Variants in DYNC2H1 observed in about 807,000 individuals in gnomAD.
DYNC2H1 encodes the protein dynein cytoplasmic 2 heavy chain 1.
A neutral mutation model predicts 570.0 loss-of-function variants in DYNC2H1; 410 were observed. That is an observed-to-expected ratio of 0.72 (90% confidence interval 0.66 to 0.78). DYNC2H1 has a LOEUF of 0.78. DYNC2H1 is among the 30% of genes least tolerant of loss of function. DYNC2H1 has a pLI of 0.00. For synonymous variants in DYNC2H1, 1,688 were observed against 1,677.6 expected (o/e 1.01, Z -0.15); for missense variants, 4,865 against 5,046.4 (o/e 0.96, Z 1.09).
rs1316203893 is a variant in DYNC2H1, at chr11:103,129,261, T to C, written c.1953+256T>C. Among the ~76,000 whole-genome samples the C allele has an allele frequency of 1.3e-5, 2 of 152,240 alleles. No individual in the cohort carries two copies. Among genetic ancestry groups the C allele is most frequent in the Non-Finnish European group, 2.9e-5 (2 of 68,040 alleles). On this transcript the variant is annotated intron_variant, in intron 13 of 88. Transcript: ENST00000375735. This position sits in a 1 kb window ranked among gnomAD's most constrained non-coding sequence, Gnocchi z 4.1. ...ATAGAAAATGATTTGTATGATGTTATGTTCATTTATCCTCTGAAGTTTGAG... is the reference window on the plus strand; with the variant it reads ...ATAGAAAATGATTTGTATGATGTTACGTTCATTTATCCTCTGAAGTTTGAG...
chr11:103,126,660 G>A (rs141297129), intron 12 of DYNC2H1, among the ~76,000 whole-genome samples: 13,142 of 148,692 alleles, frequency 0.088, 761 homozygotes, highest in Non-Finnish European at 0.12. Context: ...TTTTTGAGAC[G>A]GAGTCTCGCT....
chr11:103,361,135 T>C (rs1361856505), intron 83 of DYNC2H1, among the ~76,000 whole-genome samples: 1 of 152,192 alleles, frequency 6.6e-6, no homozygotes, highest in Non-Finnish European at 1.5e-5. Flanking sequence ...ATGATCTGAA[T>C]GTTTGTTTCC....
Position 103,154,502 on chromosome 11 carries a change from TAGTATCTCTAA to T in DYNC2H1, c.3357_3367del (p.Ser1119ArgfsTer13). The T allele has an allele frequency of 6.4e-7, 1 of 1,568,142 alleles. No individual in the cohort carries two copies. The highest frequency in any genetic ancestry group is 8.6e-7 in the Non-Finnish European group (1 of 1,157,620). ...AAGAGCCTAATTTCTCCCTGGCAAG[TAGTATCTCTAA>T]AGATATCGAGAGCTGTGCCCAAATT... On this transcript the variant is annotated frameshift_variant, in exon 23 of 89. Transcript: ENST00000375735. LOFTEE classifies it high-confidence loss of function.
intron 83 of DYNC2H1, among the ~76,000 whole-genome samples, chr11:103,377,897 C>G (rs896008371): frequency 6.6e-6 from 1 of 151,478 alleles, no homozygotes; most frequent in Non-Finnish European, 1.5e-5. Context: ...CCATCACACC[C>G]GGCTAATTTT....
chr11:103,455,062 T>C (rs1944738293), intron 85 of DYNC2H1, 124 bp from the exon 86 acceptor site: 1 of 618,004 alleles, frequency 1.6e-6, no homozygotes, highest in Non-Finnish European at 2.8e-6. Flanking sequence ...GTTATATATA[T>C]ATTTTCTAGC....
intron 20 of DYNC2H1, among the ~76,000 whole-genome samples, chr11:103,149,123 G>C (rs1410162510): frequency 6.6e-6 from 1 of 152,138 alleles, no homozygotes; most frequent in Non-Finnish European, 1.5e-5. Flanking sequence ...TAATGAAACA[G>C]TAATAGTATT....
At chr11:103,124,960 A>G (rs958010931) in intron 11 of DYNC2H1, 140 bp from the exon 12 acceptor site, 1 of 585,740 alleles carries the variant, frequency 1.7e-6, no homozygotes, top group Non-Finnish European at 2.8e-6. Context: ...AAAACCCACA[A>G]CTTAAAAGCT....
intron 62 of DYNC2H1, 124 bp from the exon 63 acceptor site, chr11:103,236,306 G>A: frequency 3.1e-6 from 2 of 634,978 alleles, no homozygotes; most frequent in South Asian, 3.9e-5. Flanking sequence ...TGTTAAATGT[G>A]GAAGAATGGG....
rs1035301432 is a variant in DYNC2H1 at position 103,203,928 on chromosome 11, A to G, written c.8311+152A>G. 6.6e-6 allele frequency among the ~76,000 whole-genome samples: 1 copy of G among 152,118 alleles called. No individual in the cohort carries two copies. The highest frequency in any genetic ancestry group is 6.6e-5 in the Admixed American group (1 of 15,254). ...GTAACACCTAACTAGTGGATAGGCTAACCTATAATAAAAACACCTGTATTA... is the reference window on the plus strand; with the variant it reads ...GTAACACCTAACTAGTGGATAGGCTGACCTATAATAAAAACACCTGTATTA... On this transcript the variant is annotated intron_variant, in intron 51 of 88. Coordinates refer to ENST00000375735, the MANE Select transcript of DYNC2H1 (RefSeq NM_001377.3). The surrounding 1 kb of genome is among the most constrained non-coding windows in gnomAD (Gnocchi z 4.7).
intron 84 of DYNC2H1, among the ~76,000 whole-genome samples, chr11:103,426,347 G>A (rs1447019798): frequency 1.3e-5 from 2 of 152,144 alleles, no homozygotes; most frequent in African/African-American, 4.8e-5. Flanking sequence ...CTGTGTGTGT[G>A]TCTTTAATTC....
chr11:103,125,325 C>A, intron 12 of DYNC2H1, 30 bp downstream of exon 12: 1 of 1,460,146 alleles, frequency 6.8e-7, no homozygotes, highest in African/African-American at 1.4e-5. Context: ...GAATACCTGC[C>A]TATTTGGAGT....
At chr11:103,232,595 G>A (rs1864060673) in intron 60 of DYNC2H1, among the ~76,000 whole-genome samples, 1 of 151,832 alleles carries the variant, frequency 6.6e-6, no homozygotes, top group African/African-American at 2.4e-5. Flanking sequence ...ATTGACTCTA[G>A]GCCATGAGTA....
At chr11:103,345,390 G>A (rs941196961) in intron 82 of DYNC2H1, among the ~76,000 whole-genome samples, 8 of 152,068 alleles carry the variant, frequency 5.3e-5, no homozygotes, top group African/African-American at 1.9e-4. Context: ...GAATAGAATT[G>A]TTATGTCAAA....
At position 103,179,177 on chromosome 11, in the gene DYNC2H1, T is replaced by C; in HGVS notation, c.6291T>C (p.His2097=). 1.2e-6 allele frequency: 2 copies of C among 1,613,124 alleles called. No homozygotes were observed. The highest frequency in any genetic ancestry group is 8.5e-7 in the Non-Finnish European group (1 of 1,179,296). ...ATGTTAACTTTGTATTTGAAACTCA[T>C]GATTTAAGTTGTGCATCACCAGCCA... ...GPNVNFVFET[H]DLSCASPATI... is the part of the protein sequence containing the mutation. The change falls in exon 39 of 89, where the codon CAT becomes CAC. Residue 2097 remains histidine, a synonymous_variant. Transcript: ENST00000375735.
In DYNC2H1 at chr11:103,154,542, G is replaced by A. The variant is rs767462931; in HGVS notation, c.3394G>A (p.Ala1132Thr). 6 of 1,593,982 alleles carry A rather than the reference G, an allele frequency of 3.8e-6. No homozygotes were observed. The highest frequency in any genetic ancestry group is 5.1e-6 in the Non-Finnish European group (6 of 1,170,432). ...TATCGAGAGCTGTGCCCAAATTTGG[G>A]CCTTTTATGAAGAGTTTCAACAAGG... is the stretch of plus-strand genomic sequence containing the variant. Reference protein sequence around the residue: ...KDIESCAQIWAFYEEFQQGFQ... With the variant: ...KDIESCAQIWTFYEEFQQGFQ... Residue 1132 changes from alanine (A) to threonine (T), a missense_variant, in exon 23 of 89, where the codon GCC (alanine) becomes ACC (threonine). This residue lies in a region of DYNC2H1 where 1,936 missense variants were observed against 1,962.1 expected (regional missense o/e 0.99). Transcript: ENST00000375735.
At chr11:103,215,890 C>T (rs776776327) in intron 55 of DYNC2H1, 32 bp downstream of exon 55, 38 of 1,595,074 alleles carry the variant, frequency 2.4e-5, no homozygotes, top group Non-Finnish European at 3.1e-5. Flanking sequence ...AAAATGAAAA[C>T]AATATGGAGA....
Position 103,243,750 on chromosome 11 carries a change from A to G in DYNC2H1, c.9877A>G (p.Thr3293Ala), listed in dbSNP as rs773684511. The change falls in exon 64 of 89, where the codon ACA (threonine) becomes GCA (alanine). Residue 3293 changes from threonine to alanine, a missense_variant. Transcript: ENST00000375735. This position sits in a 1 kb window ranked among gnomAD's most constrained non-coding sequence, Gnocchi z 4.8. ...TTCCCAAGCTACAGAGTGGTTAAAAACACATTTGAAAGACTCACGTTTAGA... is the reference window on the plus strand; with the variant it reads ...TTCCCAAGCTACAGAGTGGTTAAAAGCACATTTGAAAGACTCACGTTTAGA... ...PSSQATEWLK[T>A]HLKDSRLEVI... 1 of 1,605,674 alleles carries G rather than the reference A, an allele frequency of 6.2e-7. No homozygotes were observed. The highest frequency in any genetic ancestry group is 2.2e-5 in the East Asian group (1 of 44,542).
intron 70 of DYNC2H1, among the ~76,000 whole-genome samples, chr11:103,265,294 G>A (rs191556339): frequency 9.2e-5 from 14 of 152,244 alleles, no homozygotes; most frequent in Non-Finnish European, 1.3e-4. Flanking sequence ...TGGGTTGATC[G>A]GTTTAGCAAA....
chr11:103,335,576 TAC>T, intron 82 of DYNC2H1, among the ~76,000 whole-genome samples: 1 of 152,230 alleles, frequency 6.6e-6, no homozygotes, highest in South Asian at 2.1e-4. Context: ...TAAGTCTAAG[TAC>T]AGTCATATAA....
Sources: gnomAD v4.1 joint callset for allele counts (sites outside exome capture counted in the v4.1 genomes callset) on GRCh38, gnomAD v4.1.1 for gene constraint, gnomAD v4.1.1 regional missense constraint, Gnocchi (gnomAD v3.1) non-coding constraint, MANE v1.5 for transcripts, NCBI Gene and HGNC (gene_info 2026-07-23, HGNC 2026-07-21) for gene names.